Variants in CD2BP2 observed in about 807,000 individuals in gnomAD.
CD2BP2 encodes CD2 antigen cytoplasmic tail-binding protein 2.
In CD2BP2, 27 loss-of-function variants were observed where a neutral mutation model predicts 35.9. The observed-to-expected ratio is 0.75, with a 90% CI of 0.55 to 1.04. The LOEUF is 1.04. CD2BP2 is among the 50% of genes least tolerant of loss of function. The pLI, the probability that CD2BP2 is intolerant of heterozygous loss-of-function variation, is 0.00. For missense variants in CD2BP2, 497 were observed against 444.3 expected, an observed-to-expected ratio of 1.12 and a Z score of -1.07; for synonymous variants, 213 against 173.5, an observed-to-expected ratio of 1.23 and a Z score of -1.79.
chr16:30,353,532 A>G lies in CD2BP2; in HGVS notation c.644T>C (p.Leu215Pro). Residue 215 changes from leucine to proline, a missense_variant, in exon 5 of 7, where the codon CTT becomes CCT. Transcript: ENST00000305596. ...TTCCCTTGTTTCCTGGTACACACCA[A>G]GGTTGCCCCGGGCCACCATCTGGTC... ...LADQMVARGN[L>P]GVYQETRERL... is the part of the protein sequence containing the mutation. 1 of 1,614,198 alleles carries G rather than the reference A, an allele frequency of 6.2e-7. No individual in the cohort carries two copies.
intron 2 of CD2BP2, 119 bp downstream of exon 2, chr16:30,354,485 G>A (rs570682403): frequency 4.3e-6 from 6 of 1,383,666 alleles, no homozygotes; most frequent in Non-Finnish European, 6.1e-6. Flanking sequence ...ATTCCTCAGA[G>A]AACCTGAAAA....
chr16:30,352,643 A>G lies in CD2BP2; in HGVS notation c.*342T>C, dbSNP rs1395177511. ...AAAGCCAAAGACCTAAGAGGAATCGAACAAGAAACCTGGGAGAGGAGCACA... is the reference window on the plus strand; with the variant it reads ...AAAGCCAAAGACCTAAGAGGAATCGGACAAGAAACCTGGGAGAGGAGCACA... On this transcript the variant is annotated 3_prime_UTR_variant, in exon 7 of 7. Transcript: ENST00000305596. 7.3e-6 allele frequency: 2 copies of G among 275,612 alleles called. No homozygotes were observed. The highest frequency in any genetic ancestry group is 4.3e-5 in the African/African-American group (2 of 46,398). The allele number at this position is 275,612 out of a possible 1,614,324, so 17.1% of individuals were successfully genotyped here.
Position 30,352,927 on chromosome 16 carries a change from GT to G in CD2BP2, c.*57del. The G allele has an allele frequency of 1.9e-6, 2 of 1,078,158 alleles. No individual in the cohort carries two copies. The highest frequency in any genetic ancestry group is 2.9e-6 in the Non-Finnish European group (2 of 695,246). The allele number at this position is 1,078,158 out of a possible 1,614,324, so 66.8% of individuals were successfully genotyped here. On this transcript the variant is annotated 3_prime_UTR_variant, in exon 7 of 7. Transcript: ENST00000305596. ...ATTTCCTCGCTGCCTGAGACACTTGGTGCCTCCTCCACAAAGTCCAGGAAAG... is the reference window on the plus strand; with the variant it reads ...ATTTCCTCGCTGCCTGAGACACTTGGGCCTCCTCCACAAAGTCCAGGAAAG...
Position 30,353,604 on chromosome 16 carries a change from C to T in CD2BP2, c.572G>A (p.Gly191Glu). ...RGGGKGRKGP[G>E]QPSSPQRLDR... is the part of the protein sequence containing the mutation. ...CAGGCGCTGAGGGGAACTGGGTTGC[C>T]CAGGCCCCTTTCTCCCTTTGCCTCC... The change falls in exon 5 of 7, where the codon GGG (glycine) becomes GAG (glutamate). Residue 191 changes from glycine to glutamate, a missense_variant. Gly to Glu is a moderately conservative substitution (Grantham distance 98). Coordinates refer to ENST00000305596, the MANE Select transcript of CD2BP2 (RefSeq NM_006110.3). 1 of 1,613,996 alleles carries T rather than the reference C, an allele frequency of 6.2e-7. No homozygotes were observed. Among genetic ancestry groups the T allele is most frequent in the Non-Finnish European group, 8.5e-7 (1 of 1,179,932 alleles).
intron 2 of CD2BP2, 134 bp from the exon 3 acceptor site, chr16:30,354,456 C>T (rs1190110335): frequency 7.3e-7 from 1 of 1,362,142 alleles, no homozygotes; most frequent in Non-Finnish European, 1.0e-6. Context: ...AGGAGCCACA[C>T]TAAAGACGCT....
Position 30,352,031 on chromosome 16 carries a change from A to G in CD2BP2, c.*954T>C, listed in dbSNP as rs1231875457. 1 of 152,426 alleles carries G rather than the reference A, an allele frequency of 6.6e-6. No individual in the cohort carries two copies. The highest frequency in any genetic ancestry group is 2.4e-5 in the African/African-American group (1 of 41,460). 9.4% of individuals were successfully genotyped at this position (152,426 alleles called of 1,614,324 possible). A position where few individuals can be genotyped will look rare whatever the true frequency, so the allele number is the denominator to read the frequency against. The stretch of plus-strand genomic sequence containing the variant: ...GGAGGGTGCCAGGCCCAGGCTATAG[A>G]ATTACATCTGTCTATTTCCCATGCC... On this transcript the variant is annotated 3_prime_UTR_variant, in exon 7 of 7. Transcript: ENST00000305596.
chr16:30,354,999 G>C (rs1024602288), intron 1 of CD2BP2: 2 of 322,542 alleles, frequency 6.2e-6, no homozygotes, highest in Non-Finnish European at 5.9e-6. Context: ...CCCGCAGTCT[G>C]CGCGCCACCG....
intron 3 of CD2BP2, 53 bp from the exon 4 acceptor site, chr16:30,354,111 G>C: frequency 6.2e-7 from 1 of 1,612,994 alleles, no homozygotes; most frequent in South Asian, 1.1e-5. Context: ...AGAGACCGGA[G>C]CCTCCCTCGC....
chr16:30,354,139 C>G (rs2151097782), intron 3 of CD2BP2, 45 bp downstream of exon 3: 1 of 1,613,250 alleles, frequency 6.2e-7, no homozygotes, highest in Admixed American at 1.7e-5. Context: ...CACCAGAGGC[C>G]CCTACTTGTT....
At chr16:30,353,135 G>A in intron 6 of CD2BP2, 40 bp from the exon 7 acceptor site, 1 of 1,606,886 alleles carries the variant, frequency 6.2e-7, no homozygotes, top group South Asian at 1.1e-5. Context: ...ACTGACAGGA[G>A]TGGGGGAAGC....
chr16:30,354,661 G>C lies in CD2BP2; in HGVS notation c.21C>G (p.Thr7=), dbSNP rs747085356. ...CCTCCTCATCTCCCACGCCTTGGAAGGTCACTTTCCTCTTTGGCATGACGG... is the reference window on the plus strand; with the variant it reads ...CCTCCTCATCTCCCACGCCTTGGAACGTCACTTTCCTCTTTGGCATGACGG... The part of the protein sequence containing the change: MPKRKV[T]FQGVGDEEDE... The change falls in exon 2 of 7, where the codon ACC becomes ACG. Residue 7 remains threonine, a synonymous_variant. Transcript: ENST00000305596. 6 of 1,614,010 alleles carry C rather than the reference G, an allele frequency of 3.7e-6. No individual in the cohort carries two copies. Among genetic ancestry groups the C allele is most frequent in the Non-Finnish European group, 5.1e-6 (6 of 1,180,008 alleles).
Position 30,354,622 on chromosome 16 carries a change from G to T in CD2BP2, c.60C>A (p.Ile20=). ...GVGDEEDEDE[I]IVPKKKLVDP... ...CCCTCACCTTCTTCTTGGGGACAAT[G>T]ATTTCATCCTCATCCTCCTCATCTC... The change falls in exon 2 of 7, where the codon ATC becomes ATA. Residue 20 remains isoleucine, a synonymous_variant. Coordinates refer to ENST00000305596, the MANE Select transcript of CD2BP2 (RefSeq NM_006110.3). 6.2e-7 allele frequency: 1 copy of T among 1,613,860 alleles called. No homozygotes were observed. The highest frequency in any genetic ancestry group is 1.1e-5 in the South Asian group (1 of 91,060).
rs922572723 is a variant in CD2BP2, at chr16:30,352,274, A to T, written c.*711T>A. 6.6e-6 allele frequency: 1 copy of T among 152,374 alleles called. No individual in the cohort carries two copies. The highest frequency in any genetic ancestry group is 1.5e-5 in the Non-Finnish European group (1 of 68,134). 9.4% of individuals were successfully genotyped at this position (152,374 alleles called of 1,614,324 possible). On this transcript the variant is annotated 3_prime_UTR_variant, in exon 7 of 7. Transcript: ENST00000305596. ...TGATTCCTGTGATCTCCAGTGAGTCACTGCCCCTCTCTGTGCCAGTACAAT... is the reference window on the plus strand; with the variant it reads ...TGATTCCTGTGATCTCCAGTGAGTCTCTGCCCCTCTCTGTGCCAGTACAAT...
In CD2BP2 at chr16:30,354,028, C is replaced by G. The variant is rs138274800; in HGVS notation, c.248G>C (p.Gly83Ala). The G allele has an allele frequency of 3.1e-6, 5 of 1,614,020 alleles. No individual in the cohort carries two copies. The highest frequency in any genetic ancestry group is 4.5e-5 in the East Asian group (2 of 44,890). ...GTTAAAGGGTGTGATCCGAACACCC[C>G]CCTCGCTGGGGAGTGTGGCTGCCTC... ...GQEAATLPSE[G>A]GVRITPFNLQ... The change falls in exon 4 of 7, where the codon GGG becomes GCG. Residue 83 changes from glycine to alanine, a missense_variant. Coordinates refer to ENST00000305596, the MANE Select transcript of CD2BP2 (RefSeq NM_006110.3).
chr16:30,353,078 G>T lies in CD2BP2; in HGVS notation c.933C>A (p.Gly311=), dbSNP rs544773001. ...GGCAATAAACACCGTCCGGGAAGTA[G>T]CCTTCACTCACCCAGGTCTGCAAGG... ...SAQMQTWVSE[G]YFPDGVYCRK... Residue 311 remains glycine, a synonymous_variant, in exon 7 of 7, where the codon GGC becomes GGA. Transcript: ENST00000305596. 1 of 1,613,930 alleles carries T rather than the reference G, an allele frequency of 6.2e-7. No individual in the cohort carries two copies.
rs528591321 is a variant in CD2BP2, at chr16:30,353,748, T to C, written c.428A>G (p.Glu143Gly). The change falls in exon 5 of 7, where the codon GAG becomes GGG. Residue 143 changes from glutamate (E) to glycine (G), a missense_variant. By Grantham distance (98) the Glu-to-Gly change is moderately conservative. Coordinates refer to ENST00000305596, the MANE Select transcript of CD2BP2 (RefSeq NM_006110.3). Reference protein sequence around the residue: ...PGQRQASDSEEEDSLGQTSMS... With the variant: ...PGQRQASDSEGEDSLGQTSMS... ...TGAGGTCTGGCCCAAGCTGTCCTCC[T>C]CCTCCGAGTCTGAGGCCTGGCGCTG... The C allele has an allele frequency of 1.2e-6, 2 of 1,608,286 alleles. No individual in the cohort carries two copies. Among genetic ancestry groups the C allele is most frequent in the Admixed American group, 1.7e-5 (1 of 59,904 alleles).
Position 30,353,363 on chromosome 16 carries a change from C to T in CD2BP2, c.808+5G>A. ...ACTGCCCCCTCCTCTGTCCTCCAAG[C>T]TCACCTCCTCTCTGGGTAGGGGTTG... is the stretch of plus-strand genomic sequence containing the variant. On this transcript the variant is annotated splice_donor_5th_base_variant and intron_variant, in intron 5 of 6. Transcript: ENST00000305596. 1 of 1,613,776 alleles carries T rather than the reference C, an allele frequency of 6.2e-7. No homozygotes were observed. Among genetic ancestry groups the T allele is most frequent in the African/African-American group, 1.3e-5 (1 of 75,060 alleles).
At position 30,353,579 on chromosome 16, in the gene CD2BP2, C is replaced by T. The variant is rs751496047; in HGVS notation, c.597G>A (p.Leu199=). The change falls in exon 5 of 7, where the codon CTG becomes CTA. Residue 199 remains leucine (L), a synonymous_variant. Transcript: ENST00000305596. ...GGTCGGCCAACCCGGAGAGCCGGTCCAGGCGCTGAGGGGAACTGGGTTGCC... is the reference window on the plus strand; with the variant it reads ...GGTCGGCCAACCCGGAGAGCCGGTCTAGGCGCTGAGGGGAACTGGGTTGCC... The part of the protein sequence containing the change: ...GPGQPSSPQR[L]DRLSGLADQM... 1 of 1,614,134 alleles carries T rather than the reference C, an allele frequency of 6.2e-7. No homozygotes were observed. The highest frequency in any genetic ancestry group is 1.1e-5 in the South Asian group (1 of 91,086).
At chr16:30,354,729 A>G in intron 1 of CD2BP2, 22 bp from the exon 2 acceptor site, 1 of 1,560,716 alleles carries the variant, frequency 6.4e-7, no homozygotes, top group South Asian at 1.1e-5. Flanking sequence ...ATGCAGAGGA[A>G]GGGAACCGGG....
Sources: allele counts gnomAD v4.1 joint callset, GRCh38; gene constraint gnomAD v4.1.1; transcripts MANE v1.5; gene names NCBI Gene and HGNC (gene_info 2026-07-23, HGNC 2026-07-21).